LTBP1: variants seen among roughly 807,000 people sequenced by gnomAD.
The protein encoded by LTBP1 is latent transforming growth factor beta binding protein 1.
Under a neutral mutation model 207.6 loss-of-function variants are expected in LTBP1, and 129 were observed. The ratio of observed to expected loss-of-function variants is 0.62; its 90% CI spans 0.54 to 0.72. LTBP1 has a LOEUF of 0.72. Among genes scored for constraint, LTBP1 ranks in the 30% least tolerant of loss-of-function variants. The pLI is 0.00. For missense variants in LTBP1, 2,281 were observed against 2,217.2 expected, an observed-to-expected ratio of 1.03 and a Z score of -0.58; for synonymous variants, 963 against 833.7, an observed-to-expected ratio of 1.16 and a Z score of -2.67.
At chr2:32,972,733 G>C (rs1681098868) in intron 2 of LTBP1, among the ~76,000 whole-genome samples, 1 of 152,108 alleles carries the variant, frequency 6.6e-6, no homozygotes, top group Admixed American at 6.5e-5. Context: ...GAGATCTGAT[G>C]GTTTTAAAAG....
At chr2:33,191,452 G>A (rs1475954480) in intron 7 of LTBP1, among the ~76,000 whole-genome samples, 2 of 152,124 alleles carry the variant, frequency 1.3e-5, no homozygotes, top group South Asian at 2.1e-4. Context: ...AATAAGACCT[G>A]TTTTTTGGAA....
intron 5 of LTBP1, among the ~76,000 whole-genome samples, chr2:33,168,665 G>A (rs969832514): frequency 1.3e-5 from 2 of 151,554 alleles, no homozygotes; most frequent in Non-Finnish European, 2.9e-5. Context: ...AGTCCACCTG[G>A]CCTTTTTAGC....
intron 5 of LTBP1, among the ~76,000 whole-genome samples, chr2:33,171,660 C>T (rs576341537): frequency 1.3e-5 from 2 of 152,010 alleles, no homozygotes; most frequent in South Asian, 4.2e-4. Context: ...CAGAGAACGC[C>T]ACAAAGATAC....
chr2:33,273,189 T>G (rs1449195092), intron 15 of LTBP1, among the ~76,000 whole-genome samples: 3 of 152,136 alleles, frequency 2.0e-5, no homozygotes, highest in Non-Finnish European at 4.4e-5. Flanking sequence ...GGAGATTGGA[T>G]GTATTTGTTG....
chr2:33,087,698 C>T (rs572868442), intron 3 of LTBP1, among the ~76,000 whole-genome samples: 1 of 152,200 alleles, frequency 6.6e-6, no homozygotes, highest in South Asian at 2.1e-4. Context: ...AGAAAGCTGA[C>T]CAGAAATATA....
At chr2:33,026,878 C>T (rs989718474) in intron 3 of LTBP1, among the ~76,000 whole-genome samples, 4 of 152,216 alleles carry the variant, frequency 2.6e-5, no homozygotes, top group African/African-American at 7.2e-5. Flanking sequence ...ATGTAAGTGC[C>T]ATCAACATTA....
At chr2:33,305,301 G>C (rs1017897557) in intron 22 of LTBP1, among the ~76,000 whole-genome samples, 3 of 152,112 alleles carry the variant, frequency 2.0e-5, no homozygotes, top group African/African-American at 7.3e-5. Flanking sequence ...TCCAGCCTGG[G>C]CAACAGAGCA....
chr2:33,172,575 G>A (rs1175333173), intron 5 of LTBP1, among the ~76,000 whole-genome samples: 2 of 152,144 alleles, frequency 1.3e-5, no homozygotes, highest in East Asian at 3.8e-4. Context: ...ACACCCCACT[G>A]TCAACATTAG....
intron 9 of LTBP1, among the ~76,000 whole-genome samples, chr2:33,229,607 A>C (rs1383884949): frequency 6.6e-6 from 1 of 152,256 alleles, no homozygotes; most frequent in Non-Finnish European, 1.5e-5. Context: ...AAGTGATAGA[A>C]GTGCAAATTT....
At chr2:33,208,020 C>G (rs567721080) in intron 7 of LTBP1, among the ~76,000 whole-genome samples, 1 of 152,220 alleles carries the variant, frequency 6.6e-6, no homozygotes, top group African/African-American at 2.4e-5. Context: ...CAGTACTTTT[C>G]CCATAGGGGA....
At chr2:32,974,015 T>C (rs116579414) in intron 2 of LTBP1, among the ~76,000 whole-genome samples, 6,990 of 152,282 alleles carry the variant, frequency 0.046, 522 homozygotes, top group East Asian at 0.29. Flanking sequence ...TGGACACTTA[T>C]GTTGCTTCCA....
At chr2:33,149,896 T>C (rs140998656) in intron 5 of LTBP1, among the ~76,000 whole-genome samples, 171 of 152,328 alleles carry the variant, frequency 1.1e-3, no homozygotes, top group African/African-American at 3.9e-3. Flanking sequence ...CATCACACTT[T>C]CAAATAAACA....
At chr2:33,203,902 A>T (rs1000019516) in intron 7 of LTBP1, among the ~76,000 whole-genome samples, 7 of 152,134 alleles carry the variant, frequency 4.6e-5, no homozygotes, top group Admixed American at 3.3e-4. Flanking sequence ...GTTTTAAGAG[A>T]CGATGGCTTG....
intron 11 of LTBP1, among the ~76,000 whole-genome samples, chr2:33,254,745 G>T (rs62148879): frequency 2.9e-5 from 1 of 34,938 alleles, no homozygotes; most frequent in African/African-American, 1.5e-4. Flanking sequence ...TATCCCTCCC[G>T]CCTCCCCCCA....
At chr2:33,324,332 TATTA>T (rs1180210770) in intron 24 of LTBP1, among the ~76,000 whole-genome samples, 3 of 152,028 alleles carry the variant, frequency 2.0e-5, no homozygotes, top group Non-Finnish European at 2.9e-5. Flanking sequence ...ATATTATTAC[TATTA>T]ATTCTTACTG....
intron 9 of LTBP1, among the ~76,000 whole-genome samples, chr2:33,232,243 T>G (rs531930149): frequency 2.2e-4 from 34 of 152,242 alleles, no homozygotes; most frequent in African/African-American, 8.2e-4. Flanking sequence ...CTGGCTAAAC[T>G]AACTTAAGAG....
chr2:32,951,927 C>T (rs1233901468), intron 2 of LTBP1, among the ~76,000 whole-genome samples: 2 of 152,146 alleles, frequency 1.3e-5, no homozygotes, highest in African/African-American at 4.8e-5. Context: ...ATGATACGCC[C>T]ACATGAAGTT....
In LTBP1 at chr2:33,389,285, G is replaced by A. The variant is rs534438066; in HGVS notation, c.4813G>A (p.Asp1605Asn). The A allele has an allele frequency of 1.1e-5, 17 of 1,614,142 alleles. No individual in the cohort carries two copies. The highest frequency in any genetic ancestry group is 8.9e-5 in the East Asian group (4 of 44,864). ...DFSEQYTPEA[D>N]PYFIQDRFLN... ...CAGTGAACAGTATACTCCAGAAGCC[G>A]ATCCCTACTTCATCCAAGACCGTAA... is the stretch of plus-strand genomic sequence containing the variant. The change falls in exon 32 of 34, where the codon GAT (aspartate) becomes AAT (asparagine). Residue 1605 changes from aspartate to asparagine, a missense_variant. Coordinates refer to ENST00000404816, the MANE Select transcript of LTBP1 (RefSeq NM_206943.4).
At chr2:33,005,933 G>A (rs1408044990) in intron 2 of LTBP1, among the ~76,000 whole-genome samples, 1 of 151,614 alleles carries the variant, frequency 6.6e-6, no homozygotes, top group Non-Finnish European at 1.5e-5. Flanking sequence ...GTAGGGAGGG[G>A]TAGAATCATT....
Sources: allele counts gnomAD v4.1 joint callset (sites outside exome capture counted in the v4.1 genomes callset), GRCh38; gene constraint gnomAD v4.1.1; transcripts MANE v1.5; gene names NCBI Gene and HGNC (gene_info 2026-07-23, HGNC 2026-07-21).